Variants in NBAS observed in about 807,000 individuals in gnomAD.
The protein encoded by NBAS is NBAS subunit of NRZ tethering complex, also known as NAG/BC035112 fusion.
A neutral mutation model predicts 302.5 loss-of-function variants in NBAS; 219 were observed. That is an observed-to-expected ratio of 0.72 (90% CI 0.65 to 0.81). NBAS has a LOEUF of 0.81. Among genes scored for constraint, NBAS ranks in the 30% least tolerant of loss-of-function variants. NBAS has a pLI of 0.00. For synonymous variants in NBAS, 1,118 were observed against 1,021.6 expected, an observed-to-expected ratio of 1.09 and a Z score of -1.80; for missense variants, 2,932 against 2,841.6, an observed-to-expected ratio of 1.03 and a Z score of -0.72.
chr2:15,302,210 G>A (rs1670833961), intron 40 of NBAS, among the ~76,000 whole-genome samples: 1 of 152,184 alleles, frequency 6.6e-6, no homozygotes, highest in African/African-American at 2.4e-5. Context: ...AAAAGGCTTT[G>A]CATCTTGATA....
the NBAS span, among the ~76,000 whole-genome samples, chr2:14,994,597 C>A: frequency 6.6e-6 from 1 of 152,200 alleles, no homozygotes; most frequent in African/African-American, 2.4e-5. Flanking sequence ...TCCCGAGAGT[C>A]ACAGCCTGGG....
chr2:15,378,343 A>G (rs1674856569), intron 30 of NBAS, among the ~76,000 whole-genome samples: 1 of 152,200 alleles, frequency 6.6e-6, no homozygotes, highest in African/African-American at 2.4e-5. Context: ...GGAAGGAGAA[A>G]TACGTATTAG....
chr2:15,416,521 A>G (rs879427980), intron 24 of NBAS, among the ~76,000 whole-genome samples: 2 of 152,142 alleles, frequency 1.3e-5, no homozygotes, highest in African/African-American at 2.4e-5. Context: ...AAAGGAAGAT[A>G]AGCCAGGAGA....
chr2:15,140,607 T>C, the NBAS span, among the ~76,000 whole-genome samples: 1 of 152,242 alleles, frequency 6.6e-6, no homozygotes. Flanking sequence ...AGGAATGCTA[T>C]TCAAACAGGA....
At chr2:15,560,130 CTACA>C (rs1401945573) in intron 1 of NBAS, among the ~76,000 whole-genome samples, 1 of 152,102 alleles carries the variant, frequency 6.6e-6, no homozygotes, top group Non-Finnish European at 1.5e-5. Context: ...ATGGGCTGGA[CTACA>C]TAATCTTTAA....
the NBAS span, among the ~76,000 whole-genome samples, chr2:14,877,655 C>T: frequency 6.6e-6 from 1 of 151,998 alleles, no homozygotes; most frequent in East Asian, 1.9e-4. Flanking sequence ...TTAATGCATT[C>T]GCTCAAATAT....
chr2:15,504,593 C>T (rs1321270811), intron 10 of NBAS, among the ~76,000 whole-genome samples: 2 of 152,222 alleles, frequency 1.3e-5, no homozygotes, highest in East Asian at 3.9e-4. Context: ...ACAATTGATT[C>T]TATGCTTGAA....
chr2:15,089,465 T>C, the NBAS span, among the ~76,000 whole-genome samples: 5 of 152,072 alleles, frequency 3.3e-5, no homozygotes, highest in African/African-American at 9.7e-5. Context: ...CTAGGGAAGA[T>C]TAAAAACTTG....
the NBAS span, among the ~76,000 whole-genome samples, chr2:15,019,432 C>T: frequency 1.3e-5 from 2 of 152,124 alleles, no homozygotes; most frequent in African/African-American, 4.8e-5. Context: ...TACATTGTTC[C>T]TTAGAGACCT....
intron 9 of NBAS, among the ~76,000 whole-genome samples, chr2:15,512,092 T>A (rs1572950924): frequency 6.6e-6 from 1 of 152,294 alleles, no homozygotes; most frequent in South Asian, 2.1e-4. Context: ...GTCTGACAGT[T>A]CCGTTTACCT....
the NBAS span, among the ~76,000 whole-genome samples, chr2:14,799,932 A>G: frequency 6.6e-6 from 1 of 152,016 alleles, no homozygotes; most frequent in Admixed American, 6.6e-5. Flanking sequence ...TTTGTGTTTA[A>G]CCTATTTTTG....
intron 47 of NBAS, among the ~76,000 whole-genome samples, chr2:15,228,179 TGACCTGAAGTGAAATA>T (rs952349814): frequency 4.3e-4 from 65 of 152,138 alleles, no homozygotes; most frequent in African/African-American, 1.4e-3. Context: ...GGAGCAATAG[TGACCTGAAGTGAAATA>T]GACCTGAAGT....
At chr2:14,989,287 A>ATGTTTATGTGTGTGTG in the NBAS span, among the ~76,000 whole-genome samples, 1 of 70,950 alleles carries the variant, frequency 1.4e-5, no homozygotes, top group Non-Finnish European at 2.9e-5. Context: ...TAGTAGATGT[A>ATGTTTATGTGTGTGTG]TGTGTATGTG....
chr2:15,369,288 C>G (rs1572732307), intron 31 of NBAS, among the ~76,000 whole-genome samples: 1 of 152,034 alleles, frequency 6.6e-6, no homozygotes, highest in Middle Eastern at 3.2e-3. Flanking sequence ...TTACTTTTAC[C>G]ACTCTTTTTC....
At chr2:15,043,101 C>T in the NBAS span, among the ~76,000 whole-genome samples, 5 of 152,166 alleles carry the variant, frequency 3.3e-5, no homozygotes, top group South Asian at 2.1e-4. Flanking sequence ...TCCTACTTAA[C>T]GGCACTTTAC....
At chr2:15,553,298 C>A in intron 5 of NBAS, 128 bp downstream of exon 5, 1 of 873,766 alleles carries the variant, frequency 1.1e-6, no homozygotes, top group Non-Finnish European at 1.8e-6. Context: ...GTTTGACACT[C>A]ACAAAATTAA....
At chr2:15,141,155 T>G in the NBAS span, among the ~76,000 whole-genome samples, 1 of 152,058 alleles carries the variant, frequency 6.6e-6, no homozygotes, top group Admixed American at 6.6e-5. Context: ...CATCCCCTTT[T>G]CCCTTCTCTT....
At chr2:15,329,002 A>G (rs1266574568) in intron 36 of NBAS, among the ~76,000 whole-genome samples, 1 of 152,066 alleles carries the variant, frequency 6.6e-6, no homozygotes, top group Non-Finnish European at 1.5e-5. Context: ...CATGATCCCC[A>G]TCTCTTTCAC....
the NBAS span, among the ~76,000 whole-genome samples, chr2:15,027,430 A>T: frequency 2.6e-4 from 25 of 96,666 alleles, no homozygotes; most frequent in South Asian, 2.2e-3. Context: ...TTGTAAATAA[A>T]TTTTTTTCCA....
Sources: gnomAD v4.1 joint callset for allele counts (sites outside exome capture counted in the v4.1 genomes callset) on GRCh38, gnomAD v4.1.1 for gene constraint, MANE v1.5 for transcripts, NCBI Gene and HGNC (gene_info 2026-07-23, HGNC 2026-07-21) for gene names.